Variants in CFAP61 observed in about 807,000 individuals in gnomAD.
The protein encoded by CFAP61 is cilia- and flagella-associated protein 61.
Under a neutral mutation model 135.6 loss-of-function variants are expected in CFAP61, and 107 were observed. The ratio of observed to expected loss-of-function variants is 0.79; its 90% CI spans 0.67 to 0.93. The LOEUF is 0.93. Among genes scored for constraint, CFAP61 ranks in the 40% least tolerant of loss-of-function variants. The pLI is 0.00. For synonymous variants in CFAP61, 575 were observed against 578.5 expected, an observed-to-expected ratio of 0.99 and a Z score of 0.09; for missense variants, 1,507 against 1,556.2, an observed-to-expected ratio of 0.97 and a Z score of 0.53.
rs540562374 is a variant in CFAP61, at chr20:20,249,636, A to T, written c.2160-1959A>T. Among the ~76,000 whole-genome samples the T allele has an allele frequency of 2.0e-5, 3 of 152,332 alleles. No homozygotes were observed. In the East Asian group the frequency reaches 5.8e-4, roughly 29 times the overall value. ...TGTGACTTAGTAAAGTTTCCTAAAA[A>T]TCAGTGGTCCCCAGTGCCATTCCCA... On this transcript the variant is annotated intron_variant, in intron 19 of 26. Coordinates refer to ENST00000245957, the MANE Select transcript of CFAP61 (RefSeq NM_015585.4).
rs927541324 is a variant in CFAP61 at position 20,263,133 on chromosome 20, A to G, written c.2503+3A>G. ...GAATAACTCCATCACCACAGAAGGT[A>G]AGGATGTCGGTAACTGTGCATCTCT... On this transcript the variant is annotated splice_donor_region_variant and intron_variant, in intron 21 of 26. Coordinates refer to ENST00000245957, the MANE Select transcript of CFAP61 (RefSeq NM_015585.4). 1.9e-6 allele frequency: 3 copies of G among 1,608,752 alleles called. No homozygotes were observed. In the African/African-American group the frequency reaches 4.0e-5, roughly 22 times the overall value.
chr20:20,076,957 A>G (rs1269868788), intron 6 of CFAP61, among the ~76,000 whole-genome samples: 5 of 152,186 alleles, frequency 3.3e-5, no homozygotes, highest in Non-Finnish European at 7.3e-5. Flanking sequence ...TGAGCTAATG[A>G]ACATCAAGCA....
chr20:20,347,537 T>C (rs577614933), intron 26 of CFAP61, among the ~76,000 whole-genome samples: 7 of 152,210 alleles, frequency 4.6e-5, no homozygotes, highest in Non-Finnish European at 8.8e-5. Context: ...GTGGGGACAT[T>C]ACTATCGACC....
chr20:20,333,688 A>G (rs1021246171), intron 25 of CFAP61, among the ~76,000 whole-genome samples: 1 of 152,224 alleles, frequency 6.6e-6, no homozygotes, highest in African/African-American at 2.4e-5. Context: ...GGGATTCAGA[A>G]AAACAAATGG....
chr20:20,331,889 AAG>A (rs2058013362), intron 25 of CFAP61, among the ~76,000 whole-genome samples: 1 of 152,140 alleles, frequency 6.6e-6, no homozygotes, highest in South Asian at 2.1e-4. Flanking sequence ...GCTCTCTATG[AAG>A]AGAGAAGCAG....
At position 20,131,925 on chromosome 20, in the gene CFAP61, G is replaced by GT. The variant is rs995599333; in HGVS notation, c.860-10925dup. Reference sequence around the variant, plus strand: ...TATTTATTAACATGGGAATGTTCTTGTTTTTTTATTTTTAATTGTGGTACT... The same window carrying GT: ...TATTTATTAACATGGGAATGTTCTTGTTTTTTTTATTTTTAATTGTGGTACT... On this transcript the variant is annotated intron_variant, in intron 8 of 26. Transcript: ENST00000245957. 8.7e-4 allele frequency among the ~76,000 whole-genome samples: 132 copies of GT among 151,848 alleles called. 2 individuals are homozygous for GT. Among genetic ancestry groups the GT allele is most frequent in the African/African-American group, 3.1e-3 (128 of 41,484 alleles).
chr20:20,219,222 G>A (rs1323164967), intron 17 of CFAP61, among the ~76,000 whole-genome samples: 2 of 152,138 alleles, frequency 1.3e-5, no homozygotes, highest in African/African-American at 4.8e-5. Flanking sequence ...TGTTTTGTAG[G>A]TTGGATGCTG....
intron 2 of CFAP61, among the ~76,000 whole-genome samples, chr20:20,057,729 A>G (rs1310096829): frequency 6.6e-6 from 1 of 152,026 alleles, no homozygotes; most frequent in Non-Finnish European, 1.5e-5. Flanking sequence ...TAATTTATTT[A>G]TTTTTGAGAC....
Position 20,199,840 on chromosome 20 carries a change from A to C in CFAP61, c.1870A>C (p.Ile624Leu). 6.2e-7 allele frequency: 1 copy of C among 1,614,104 alleles called. No homozygotes were observed. The change falls in exon 17 of 27, where the codon ATT (isoleucine) becomes CTT (leucine). Residue 624 changes from isoleucine (I) to leucine (L), a missense_variant. Transcript: ENST00000245957. ...GGTTCCCGTGCGACCACGACGACAG[A>C]TTGTCTATCCTCTGGAAAAGCTTGG... ...YLVPVRPRRQ[I>L]VYPLEKLGIN...
intron 17 of CFAP61, among the ~76,000 whole-genome samples, chr20:20,210,538 C>G (rs550081764): frequency 1.3e-5 from 2 of 152,324 alleles, no homozygotes; most frequent in African/African-American, 4.8e-5. Context: ...CAGGAGGGGT[C>G]ATGAGTCAGC....
intron 8 of CFAP61, among the ~76,000 whole-genome samples, chr20:20,128,479 G>C (rs1367199366): frequency 1.3e-5 from 2 of 151,720 alleles, no homozygotes; most frequent in Admixed American, 1.3e-4. Context: ...GTATGTATTT[G>C]GGAGAGGAGG....
At chr20:20,199,933 C>T (rs546175514) in intron 17 of CFAP61, 31 bp downstream of exon 17, 55 of 1,610,794 alleles carry the variant, frequency 3.4e-5, no homozygotes, top group East Asian at 4.5e-5. Context: ...CAGGGCGGCG[C>T]GGTGCCAGCT....
intron 8 of CFAP61, among the ~76,000 whole-genome samples, chr20:20,122,323 T>G (rs1409787048): frequency 6.6e-6 from 1 of 152,072 alleles, no homozygotes; most frequent in Non-Finnish European, 1.5e-5. Context: ...ACCCAGCTAA[T>G]TTTTGTATTT....
chr20:20,151,680 A>G (rs2052431207), intron 9 of CFAP61, among the ~76,000 whole-genome samples: 1 of 151,794 alleles, frequency 6.6e-6, no homozygotes, highest in African/African-American at 2.4e-5. Flanking sequence ...CAAAAACAAA[A>G]TTAGCCAAGT....
intron 26 of CFAP61, among the ~76,000 whole-genome samples, chr20:20,342,954 A>C (rs1300828505): frequency 1.3e-5 from 2 of 151,628 alleles, no homozygotes; most frequent in Non-Finnish European, 2.9e-5. Context: ...TCTGCCTCTC[A>C]GGTTCAAGCG....
At chr20:20,301,442 C>T (rs2056091950) in intron 25 of CFAP61, among the ~76,000 whole-genome samples, 1 of 152,018 alleles carries the variant, frequency 6.6e-6, no homozygotes, top group Admixed American at 6.6e-5. Flanking sequence ...GACCTATTCC[C>T]ATCGTTAAGT....
chr20:20,351,332 G>C (rs1323486071), intron 26 of CFAP61, among the ~76,000 whole-genome samples: 1 of 152,186 alleles, frequency 6.6e-6, no homozygotes, highest in East Asian at 1.9e-4. Flanking sequence ...TGTAATCCCA[G>C]CACCTTGAGA....
intron 20 of CFAP61, among the ~76,000 whole-genome samples, chr20:20,260,432 C>T (rs921224592): frequency 3.3e-5 from 5 of 152,212 alleles, no homozygotes; most frequent in African/African-American, 1.2e-4. Flanking sequence ...GTCTCCTAAA[C>T]TCTGTGCAGA....
chr20:20,230,386 G>A (rs933707908), intron 18 of CFAP61, among the ~76,000 whole-genome samples: 83 of 152,088 alleles, frequency 5.5e-4, no homozygotes, highest in African/African-American at 1.8e-3. Context: ...AACCTACTGC[G>A]TATTTTACTT....
Sources: allele counts gnomAD v4.1 joint callset (sites outside exome capture counted in the v4.1 genomes callset), GRCh38; gene constraint gnomAD v4.1.1; transcripts MANE v1.5; gene names NCBI Gene and HGNC (gene_info 2026-07-23, HGNC 2026-07-21).